The following BLZF1 variants were observed in gnomAD, a reference collection of about 807,000 sequenced individuals.
BLZF1 encodes the protein basic leucine zipper nuclear factor 1.
BLZF1 carries 39 observed loss-of-function variants against 43.8 expected under a neutral mutation model. The observed-to-expected ratio is 0.89, with a 90% confidence interval of 0.69 to 1.16. The LOEUF (loss-of-function observed/expected upper bound fraction) is 1.16, where lower values mean the gene tolerates loss of function less well. BLZF1 is among the 50% of genes most tolerant of loss of function. BLZF1 has a pLI of 0.00. For synonymous variants in BLZF1, 136 were observed against 159.4 expected (o/e 0.85, Z 1.11); for missense variants, 449 against 469.8 (o/e 0.96, Z 0.41).
chr1:169,380,054 CT>C (rs1190408762), intron 4 of BLZF1, among the ~76,000 whole-genome samples: 3 of 151,676 alleles, frequency 2.0e-5, no homozygotes, highest in Admixed American at 6.6e-5. Flanking sequence ...TGACAAAAGA[CT>C]TTATATAAAT....
Position 169,382,130 on chromosome 1 carries a change from C to T in BLZF1, c.866C>T (p.Pro289Leu). ...REQTYSPSVQ[P>L]HSTAELALTN... ...CAAACTTACTCCCCTAGTGTACAAC[C>T]CCACAGCACAGCAGAGCTAGCATTA... Residue 289 changes from proline to leucine, a missense_variant, in exon 6 of 7, where the codon CCC becomes CTC. Transcript: ENST00000367808. The T allele has an allele frequency of 6.2e-7, 1 of 1,613,832 alleles. No homozygotes were observed.
chr1:169,382,701 C>T (rs1254230832), intron 6 of BLZF1, among the ~76,000 whole-genome samples: 1 of 152,098 alleles, frequency 6.6e-6, no homozygotes, highest in Non-Finnish European at 1.5e-5. Context: ...ATAGTATAGT[C>T]CTGGATGAAT....
At chr1:169,370,964 C>T (rs971321544) in intron 2 of BLZF1, among the ~76,000 whole-genome samples, 5 of 152,170 alleles carry the variant, frequency 3.3e-5, no homozygotes, top group Admixed American at 2.6e-4. Context: ...GGGTTGAGTT[C>T]TGCATGCTAG....
At chr1:169,393,053 T>TG (rs1654853764), downstream of BLZF1, among the ~76,000 whole-genome samples, 1 of 151,984 alleles carries the variant, frequency 6.6e-6, no homozygotes, top group South Asian at 2.1e-4. Context: ...ATGTCTGAAG[T>TG]GGGGGGCAGT....
chr1:169,379,285 T>C (rs1571439559), intron 4 of BLZF1, among the ~76,000 whole-genome samples: 1 of 152,068 alleles, frequency 6.6e-6, no homozygotes, highest in Non-Finnish European at 1.5e-5. Context: ...TGAGGAACCA[T>C]TGATTTTGAT....
chr1:169,390,571 A>ATTT (rs1654793270), downstream of BLZF1, among the ~76,000 whole-genome samples: 1 of 152,204 alleles, frequency 6.6e-6, no homozygotes, highest in Non-Finnish European at 1.5e-5. Flanking sequence ...ATTCCTAGAA[A>ATTT]GACATGTATT....
chr1:169,388,998 C>T (rs1240223922), downstream of BLZF1, among the ~76,000 whole-genome samples: 1 of 152,102 alleles, frequency 6.6e-6, no homozygotes, highest in Non-Finnish European at 1.5e-5. Context: ...TGGCGGGCAC[C>T]TGTACTCCCA....
chr1:169,369,428 T>C, intron 1 of BLZF1, 45 bp from the exon 2 acceptor site: 2 of 1,042,500 alleles, frequency 1.9e-6, no homozygotes, highest in Admixed American at 4.7e-5. Context: ...ACTCTATGTG[T>C]TTATATGATA....
Position 169,387,425 on chromosome 1 carries a change from T to A in BLZF1, c.*243T>A. On this transcript the variant is annotated 3_prime_UTR_variant, in exon 7 of 7. Transcript: ENST00000367808. ...TAGAGAATACTTTCCAAGCAATACA[T>A]GATACTTTTCCTAAAAGACTCTAAA... 3.1e-6 allele frequency: 1 copy of A among 321,394 alleles called. No individual in the cohort carries two copies. The highest frequency in any genetic ancestry group is 5.7e-5 in the East Asian group (1 of 17,572). 19.9% of individuals were successfully genotyped at this position (321,394 alleles called of 1,614,324 possible).
rs981019862 is a variant in BLZF1 at position 169,376,523 on chromosome 1, T to A, written c.29-17T>A. ...TCTTCTTGGTAAGTAGTTTCTGTTT[T>A]GTTTCCTTTTTGTTAGTCACCGTTA... On this transcript the variant is annotated splice_polypyrimidine_tract_variant and intron_variant, in intron 2 of 6. Coordinates refer to ENST00000367808, the MANE Select transcript of BLZF1 (RefSeq NM_001320973.2). 2.6e-6 allele frequency: 4 copies of A among 1,566,996 alleles called. No individual in the cohort carries two copies. The Admixed American group carries it at 6.0e-5, about 24-fold the overall frequency.
At chr1:169,370,152 C>T (rs1421084496) in intron 2 of BLZF1, among the ~76,000 whole-genome samples, 1 of 152,210 alleles carries the variant, frequency 6.6e-6, no homozygotes, top group Non-Finnish European at 1.5e-5. Context: ...ACATGGCATT[C>T]TCCCTATGTG....
intron 7 of BLZF1, chr1:169,394,978 C>T (rs1227450334): frequency 1.5e-5 from 20 of 1,362,904 alleles, no homozygotes; most frequent in Non-Finnish European, 1.5e-5. Context: ...AACCAAAGTA[C>T]ACAGACCCTA....
chr1:169,393,837 A>C (rs1654881628), intron 7 of BLZF1, among the ~76,000 whole-genome samples: 3 of 152,062 alleles, frequency 2.0e-5, no homozygotes, highest in African/African-American at 7.2e-5. Context: ...CCTGGCCTCA[A>C]GTGATCCTCC....
rs141372770 is a variant in BLZF1 at position 169,372,519 on chromosome 1, A to G, written c.28+2969A>G. On this transcript the variant is annotated intron_variant, in intron 2 of 6. Coordinates refer to ENST00000367808, the MANE Select transcript of BLZF1 (RefSeq NM_001320973.2). Reference sequence around the variant, plus strand: ...GATTAGGAGGCGGTCCATACCCTGAAGAGCTCCCAACAGTCTAGTCTACAA... The same window carrying G: ...GATTAGGAGGCGGTCCATACCCTGAGGAGCTCCCAACAGTCTAGTCTACAA... Among the ~76,000 whole-genome samples, 271 of 152,258 alleles carry G rather than the reference A, an allele frequency of 1.8e-3. 1 individual carries two copies. The highest frequency in any genetic ancestry group is 6.1e-3 in the African/African-American group (252 of 41,554).
chr1:169,393,019 C>G (rs1484352836), downstream of BLZF1, among the ~76,000 whole-genome samples: 2 of 152,072 alleles, frequency 1.3e-5, no homozygotes, highest in Non-Finnish European at 2.9e-5. Flanking sequence ...GAACTGTAAC[C>G]AGGGGACCTA....
chr1:169,371,476 TA>T (rs1199395308), intron 2 of BLZF1, among the ~76,000 whole-genome samples: 1 of 152,256 alleles, frequency 6.6e-6, no homozygotes, highest in Non-Finnish European at 1.5e-5. Flanking sequence ...GCCATATTTC[TA>T]TTTAATCTGT....
At chr1:169,391,513 G>A (rs192867185), downstream of BLZF1, among the ~76,000 whole-genome samples, 293 of 152,236 alleles carry the variant, frequency 1.9e-3, 2 homozygotes, top group African/African-American at 6.9e-3. Context: ...GCTGTTTCTC[G>A]TGGCCCAATA....
chr1:169,383,192 A>C (rs1654575391), intron 6 of BLZF1, among the ~76,000 whole-genome samples: 1 of 152,164 alleles, frequency 6.6e-6, no homozygotes, highest in Admixed American at 6.5e-5. Context: ...CCTAATCCAC[A>C]GAAGAAAAAG....
At chr1:169,396,109 A>G (rs896526599) in exon 8 of BLZF1, 1 of 152,210 alleles carries the variant, frequency 6.6e-6, no homozygotes, top group Non-Finnish European at 1.5e-5. Context: ...GTATTTTGAA[A>G]TTGTAAATAC....
Sources: allele counts gnomAD v4.1 joint callset (sites outside exome capture counted in the v4.1 genomes callset), GRCh38; gene constraint gnomAD v4.1.1; transcripts MANE v1.5; gene names NCBI Gene and HGNC (gene_info 2026-07-23, HGNC 2026-07-21).